Variants in PIGF observed in about 807,000 individuals in gnomAD.
PIGF encodes GPI ethanolamine phosphate transferase, stabilizing subunit.
Under a neutral mutation model 26.0 loss-of-function variants are expected in PIGF, and 23 were observed. That is an observed-to-expected ratio of 0.88 (90% CI 0.64 to 1.25). The LOEUF (loss-of-function observed/expected upper bound fraction) is 1.25, where lower values mean the gene tolerates loss of function less well. Ranked by LOEUF, PIGF falls within the 50% of genes most tolerant of loss-of-function variation. The pLI, the probability that PIGF is intolerant of heterozygous loss-of-function variation, is 0.00. For missense variants in PIGF, 278 were observed against 249.9 expected (o/e 1.11, Z -0.76); for synonymous variants, 93 against 92.6 (o/e 1.00, Z -0.03).
At position 46,588,125 on chromosome 2, in the gene PIGF, C is replaced by T. The variant is rs774353659; in HGVS notation, c.546+4350G>A. The T allele has an allele frequency of 6.2e-7, 1 of 1,611,458 alleles. No homozygotes were observed. The highest frequency in any genetic ancestry group is 2.2e-5 in the East Asian group (1 of 44,666). ...GTTACTCATTTCACAGTACCAAGCC[C>T]CCTGCAGGGTACATGGAGAGATCTA... is the stretch of plus-strand genomic sequence containing the variant. On this transcript the variant is annotated intron_variant, in intron 5 of 5. Coordinates refer to ENST00000281382, the MANE Select transcript of PIGF (RefSeq NM_002643.4). The surrounding 1 kb of genome is among the most constrained non-coding windows in gnomAD (Gnocchi z 4.1).
intron 4 of PIGF, among the ~76,000 whole-genome samples, chr2:46,597,962 A>C (rs1027947082): frequency 6.6e-6 from 1 of 152,314 alleles, no homozygotes; most frequent in Non-Finnish European, 1.5e-5. Context: ...GGTTCTTAAA[A>C]TTGTCTTCTA....
At chr2:46,585,320 A>AT (rs1488720901) in intron 5 of PIGF, among the ~76,000 whole-genome samples, 1 of 152,162 alleles carries the variant, frequency 6.6e-6, no homozygotes, top group Non-Finnish European at 1.5e-5. Context: ...ATAAATTTAC[A>AT]TTTTTTTAGC....
intron 5 of PIGF, among the ~76,000 whole-genome samples, chr2:46,585,077 G>A (rs535492312): frequency 2.6e-5 from 4 of 152,150 alleles, no homozygotes; most frequent in Admixed American, 2.6e-4. Flanking sequence ...CCACAAATAG[G>A]ATTTTTTAAA....
At chr2:46,590,996 AT>A (rs1320527701) in intron 5 of PIGF, among the ~76,000 whole-genome samples, 3 of 152,230 alleles carry the variant, frequency 2.0e-5, no homozygotes, top group Non-Finnish European at 2.9e-5. Flanking sequence ...TGGATCCCAC[AT>A]TTGGCAAATG....
Position 46,615,330 on chromosome 2 carries a change from G to A in PIGF, c.-21-145C>T, listed in dbSNP as rs1000896622. The A allele has an allele frequency of 9.2e-6, 5 of 541,086 alleles. No homozygotes were observed. The African/African-American group carries it at 9.5e-5, about 10-fold the overall frequency. The allele number at this position is 541,086 out of a possible 1,614,324, so 33.5% of individuals were successfully genotyped here. On this transcript the variant is annotated intron_variant, in intron 1 of 5. Transcript: ENST00000281382. The stretch of plus-strand genomic sequence containing the variant: ...AAAACACAAAAGATGCAGACGTGTA[G>A]ATGCACATACAGACTTAGCTTTCTA...
intron 4 of PIGF, among the ~76,000 whole-genome samples, chr2:46,608,616 T>C (rs1055373369): frequency 2.6e-5 from 4 of 152,228 alleles, no homozygotes; most frequent in African/African-American, 7.2e-5. Flanking sequence ...GTTTCTTAAG[T>C]AATAAGACTT....
intron 3 of PIGF, 52 bp downstream of exon 3, chr2:46,613,642 T>C: frequency 7.5e-7 from 1 of 1,337,438 alleles, no homozygotes; most frequent in South Asian, 1.4e-5. Flanking sequence ...GCACACAGTT[T>C]GGTAAATGAA....
Position 46,610,620 on chromosome 2 carries a change from C to T in PIGF, c.437+1608G>A, listed in dbSNP as rs141767502. 3.7e-3 allele frequency among the ~76,000 whole-genome samples: 562 copies of T among 150,440 alleles called. 4 individuals carry two copies. The highest frequency in any genetic ancestry group is 0.013 in the African/African-American group (533 of 40,884). Reference sequence around the variant, plus strand: ...TCTCGGCTCACTGCAACCTCCGCCTCCTGGGTTCAAGCAATTCTCCTGCCT... The same window carrying T: ...TCTCGGCTCACTGCAACCTCCGCCTTCTGGGTTCAAGCAATTCTCCTGCCT... On this transcript the variant is annotated intron_variant, in intron 4 of 5. Transcript: ENST00000281382.
Position 46,617,036 on chromosome 2 carries a change from G to T in PIGF, c.-88C>A. 1 of 604,052 alleles carries T rather than the reference G, an allele frequency of 1.7e-6. No homozygotes were observed. The highest frequency in any genetic ancestry group is 2.9e-6 in the Non-Finnish European group (1 of 339,896). The allele number at this position is 604,052 out of a possible 1,614,324, so 37.4% of individuals were successfully genotyped here. ...CTCCTACCATCAGGTACGACGGGCG[G>T]CCCAGGCCCACGCGCAGGCGCAGGG... On this transcript the variant is annotated 5_prime_UTR_variant, in exon 1 of 6. Transcript: ENST00000281382.
intron 4 of PIGF, among the ~76,000 whole-genome samples, chr2:46,592,899 G>A (rs917758236): frequency 2.0e-5 from 3 of 152,086 alleles, no homozygotes; most frequent in Non-Finnish European, 4.4e-5. Flanking sequence ...CTGCTATTAT[G>A]CTAAATTATT....
At position 46,588,424 on chromosome 2, in the gene PIGF, G is replaced by A. The variant is rs1669642353; in HGVS notation, c.546+4051C>T. 2.7e-6 allele frequency: 1 copy of A among 372,220 alleles called. No homozygotes were observed. The highest frequency in any genetic ancestry group is 4.7e-5 in the Admixed American group (1 of 21,190). 23.1% of individuals were successfully genotyped at this position (372,220 alleles called of 1,614,324 possible). ...TAGTCATTAAACTATGTCTTTTCTA[G>A]GTCACAAATGCCTGTAACATTAATT... On this transcript the variant is annotated intron_variant, in intron 5 of 5. Transcript: ENST00000281382. The surrounding 1 kb of genome is among the most constrained non-coding windows in gnomAD (Gnocchi z 4.1).
intron 1 of PIGF, 53 bp from the exon 2 acceptor site, chr2:46,615,238 T>C: frequency 1.3e-6 from 1 of 751,618 alleles, no homozygotes; most frequent in South Asian, 1.7e-5. Context: ...TTTTCCATTG[T>C]CTTAAATGTT....
intron 4 of PIGF, 136 bp from the exon 5 acceptor site, chr2:46,592,719 A>G (rs949289852): frequency 3.4e-6 from 2 of 588,672 alleles, no homozygotes; most frequent in Non-Finnish European, 3.1e-6. Context: ...TGACATATAC[A>G]TATTTACCAT....
chr2:46,587,449 A>C (rs1412833200), intron 5 of PIGF, among the ~76,000 whole-genome samples: 1 of 151,986 alleles, frequency 6.6e-6, no homozygotes, highest in African/African-American at 2.4e-5. Flanking sequence ...GAAAAAAAAA[A>C]ACCCAAAAAA....
intron 4 of PIGF, among the ~76,000 whole-genome samples, chr2:46,603,348 T>C (rs1325956229): frequency 6.6e-6 from 1 of 151,926 alleles, no homozygotes; most frequent in East Asian, 1.9e-4. Flanking sequence ...TTCACATAAA[T>C]AGAAGAAACA....
In PIGF at chr2:46,609,022, T is replaced by C. The variant is rs572106791; in HGVS notation, c.437+3206A>G. Among the ~76,000 whole-genome samples the C allele has an allele frequency of 6.6e-5, 10 of 152,370 alleles. No homozygotes were observed. The South Asian group carries it at 2.1e-3, about 32-fold the overall frequency. ...CCTGTCAAGCATTGAAGGTGGCCAC[T>C]GACTTCTCCTCTCTAACTTTAAAAG... On this transcript the variant is annotated intron_variant, in intron 4 of 5. Coordinates refer to ENST00000281382, the MANE Select transcript of PIGF (RefSeq NM_002643.4).
chr2:46,596,804 T>C (rs969323538), intron 4 of PIGF, among the ~76,000 whole-genome samples: 11 of 152,216 alleles, frequency 7.2e-5, no homozygotes, highest in East Asian at 1.9e-4. Context: ...ACGCCCCTTC[T>C]ACAATGGTAA....
At chr2:46,607,427 G>A (rs1244509848) in intron 4 of PIGF, among the ~76,000 whole-genome samples, 1 of 152,122 alleles carries the variant, frequency 6.6e-6, no homozygotes, top group Non-Finnish European at 1.5e-5. Flanking sequence ...CCAGAATAAA[G>A]CAAATTGTAC....
At chr2:46,602,524 C>T (rs1038102506) in intron 4 of PIGF, among the ~76,000 whole-genome samples, 3 of 151,750 alleles carry the variant, frequency 2.0e-5, no homozygotes, top group Non-Finnish European at 3.0e-5. Context: ...CCTGTTCACA[C>T]TGAACATCTG....
Sources: allele counts gnomAD v4.1 joint callset (sites outside exome capture counted in the v4.1 genomes callset), GRCh38; gene constraint gnomAD v4.1.1; non-coding constraint Gnocchi (gnomAD v3.1); transcripts MANE v1.5; gene names NCBI Gene and HGNC (gene_info 2026-07-23, HGNC 2026-07-21).